Variants in ATXN1 observed in about 807,000 individuals in gnomAD.
The protein encoded by ATXN1 is ataxin-1.
Under a neutral mutation model 56.4 loss-of-function variants are expected in ATXN1, and 8 were observed. The observed-to-expected ratio is 0.14, with a 90% confidence interval of 0.08 to 0.26. The LOEUF is 0.26. Among genes scored for constraint, ATXN1 ranks in the 10% least tolerant of loss-of-function variants. ATXN1 has a pLI of 1.00. For missense variants in ATXN1, 987 were observed against 1,106.5 expected, an observed-to-expected ratio of 0.89 and a Z score of 1.53; for synonymous variants, 514 against 494.6, an observed-to-expected ratio of 1.04 and a Z score of -0.52.
At chr6:16,602,573 T>G (rs1762931200) in intron 3 of ATXN1, among the ~76,000 whole-genome samples, 1 of 152,002 alleles carries the variant, frequency 6.6e-6, no homozygotes. Flanking sequence ...TGCCTCAGCC[T>G]CCCAAGTAGC....
intron 6 of ATXN1, among the ~76,000 whole-genome samples, chr6:16,436,688 G>C (rs1759398938): frequency 6.6e-6 from 1 of 151,778 alleles, no homozygotes; most frequent in African/African-American, 2.4e-5. Flanking sequence ...TCCTGGCACT[G>C]AGTAAAGGGG....
chr6:16,379,781 A>AT (rs1762215070), intron 6 of ATXN1, among the ~76,000 whole-genome samples: 1 of 152,256 alleles, frequency 6.6e-6, no homozygotes, highest in South Asian at 2.1e-4. Context: ...AGGAGAAATA[A>AT]GTCAGCAGCA....
chr6:16,383,087 TCCCTA>T (rs1000752463), intron 6 of ATXN1, among the ~76,000 whole-genome samples: 5 of 152,046 alleles, frequency 3.3e-5, no homozygotes, highest in Admixed American at 3.3e-4. Flanking sequence ...TGTTCCCCAC[TCCCTA>T]CCCCGCACCA....
At position 16,500,758 on chromosome 6, in the gene ATXN1, A is replaced by AC. The variant is rs1760870420; in HGVS notation, c.-298-14650_-298-14649insG. 2.0e-5 allele frequency among the ~76,000 whole-genome samples: 3 copies of AC among 151,462 alleles called. No homozygotes were observed. The South Asian group carries it at 6.4e-4, about 32-fold the overall frequency. ...TATGATAAAAAAAAAAAAAAAAAAA[A>AC]AACATTGAGGAAACTACCAATTCAT... On this transcript the variant is annotated intron_variant, in intron 5 of 7. Coordinates refer to ENST00000436367, the MANE Select transcript of ATXN1 (RefSeq NM_001128164.2).
chr6:16,568,526 G>A lies in ATXN1; in HGVS notation c.-361+17254C>T, dbSNP rs1161576109. On this transcript the variant is annotated intron_variant, in intron 4 of 7. Transcript: ENST00000436367. ...TTATAAATAGTGCTTAGTTTTGCAG[G>A]AAGGCAAAAAGAGCTATAGAGCTTA... 3.9e-5 allele frequency among the ~76,000 whole-genome samples: 6 copies of A among 152,158 alleles called. No individual in the cohort carries two copies. The South Asian group carries it at 1.2e-3, about 31-fold the overall frequency.
At chr6:16,390,711 T>C (rs900051288) in intron 6 of ATXN1, among the ~76,000 whole-genome samples, 84 of 136,094 alleles carry the variant, frequency 6.2e-4, no homozygotes, top group African/African-American at 2.2e-3. Context: ...CACACACGCA[T>C]GCACACAAGC....
intron 2 of ATXN1, among the ~76,000 whole-genome samples, chr6:16,700,444 G>C (rs941432216): frequency 1.3e-5 from 2 of 152,086 alleles, no homozygotes; most frequent in African/African-American, 4.8e-5. Flanking sequence ...CTCGCTGCCT[G>C]ACAACATGAT....
chr6:16,466,275 G>A (rs898936708), intron 6 of ATXN1, among the ~76,000 whole-genome samples: 4 of 132,242 alleles, frequency 3.0e-5, no homozygotes, highest in Admixed American at 1.8e-4. Flanking sequence ...CCGAGATTGC[G>A]CCACTGCACT....
rs1760239884 is a variant in ATXN1 at position 16,306,084 on chromosome 6, A to ATGCC, written c.*241_*244dup. The ATGCC allele has an allele frequency of 2.6e-6, 1 of 380,266 alleles. No individual in the cohort carries two copies. The highest frequency in any genetic ancestry group is 4.8e-6 in the Non-Finnish European group (1 of 208,958). The allele number at this position is 380,266 out of a possible 1,614,324, so 23.6% of individuals were successfully genotyped here. On this transcript the variant is annotated 3_prime_UTR_variant, in exon 8 of 8. Transcript: ENST00000436367. The surrounding 1 kb of genome is among the most constrained non-coding windows in gnomAD (Gnocchi z 5.2). ...AGCCCCGTTCCTTTCTTCCCCGGGG[A>ATGCC]TGCCTGGAGCCCTGACCGCTCCTGC...
intron 3 of ATXN1, among the ~76,000 whole-genome samples, chr6:16,639,176 C>A (rs549816171): frequency 6.6e-6 from 1 of 152,284 alleles, no homozygotes; most frequent in Non-Finnish European, 1.5e-5. Flanking sequence ...AAGCTGGCCA[C>A]GCCAGCCAGC....
At chr6:16,405,058 G>A (rs562672120) in intron 6 of ATXN1, among the ~76,000 whole-genome samples, 3 of 152,288 alleles carry the variant, frequency 2.0e-5, no homozygotes, top group African/African-American at 4.8e-5. Context: ...TATCAAATGT[G>A]ACCAGCCAAC....
chr6:16,747,967 C>T (rs532827610), intron 2 of ATXN1, among the ~76,000 whole-genome samples: 1 of 152,274 alleles, frequency 6.6e-6, no homozygotes, highest in East Asian at 1.9e-4. Flanking sequence ...ACTGGAGAGA[C>T]AAATAGTTCA....
At chr6:16,338,133 G>A (rs112632928) in intron 6 of ATXN1, among the ~76,000 whole-genome samples, 1 of 152,124 alleles carries the variant, frequency 6.6e-6, no homozygotes, top group Admixed American at 6.5e-5. Flanking sequence ...AGTGGGCTAC[G>A]CCGTAAGGTA....
chr6:16,335,207 A>G (rs1295287286), intron 6 of ATXN1, among the ~76,000 whole-genome samples: 1 of 152,250 alleles, frequency 6.6e-6, no homozygotes, highest in Non-Finnish European at 1.5e-5. Flanking sequence ...GTGGAAACTG[A>G]CTATTGACCT....
chr6:16,726,241 G>A (rs138803849), intron 2 of ATXN1, among the ~76,000 whole-genome samples: 290 of 152,010 alleles, frequency 1.9e-3, no homozygotes, highest in Middle Eastern at 3.4e-3. Context: ...TTAGCTGGGC[G>A]TGGTGGCGTG....
intron 3 of ATXN1, among the ~76,000 whole-genome samples, chr6:16,607,447 T>C (rs1763031679): frequency 6.6e-6 from 1 of 152,238 alleles, no homozygotes; most frequent in Non-Finnish European, 1.5e-5. Flanking sequence ...TCCACTTAAT[T>C]GATATTGCGC....
chr6:16,345,949 T>C (rs1761376309), intron 6 of ATXN1, among the ~76,000 whole-genome samples: 1 of 152,136 alleles, frequency 6.6e-6, no homozygotes, highest in Non-Finnish European at 1.5e-5. Context: ...AGGTATTCAT[T>C]CAATAAAAAA....
chr6:16,487,564 A>G (rs1760574074), intron 5 of ATXN1, among the ~76,000 whole-genome samples: 1 of 152,230 alleles, frequency 6.6e-6, no homozygotes, highest in South Asian at 2.1e-4. Flanking sequence ...CTCATTAATT[A>G]AATCATTCGC....
At chr6:16,723,166 C>T (rs1335934782) in intron 2 of ATXN1, among the ~76,000 whole-genome samples, 1 of 152,196 alleles carries the variant, frequency 6.6e-6, no homozygotes, top group Non-Finnish European at 1.5e-5. Flanking sequence ...GCTATTTCAA[C>T]TAAACATTGT....
Sources: gnomAD v4.1 joint callset for allele counts (sites outside exome capture counted in the v4.1 genomes callset) on GRCh38, gnomAD v4.1.1 for gene constraint, Gnocchi (gnomAD v3.1) non-coding constraint, MANE v1.5 for transcripts, NCBI Gene and HGNC (gene_info 2026-07-23, HGNC 2026-07-21) for gene names.